NAA25: variants seen among roughly 807,000 people sequenced by gnomAD.
NAA25 encodes the protein N-terminal acetyltransferase B complex subunit NAA25.
Under a neutral mutation model 132.5 loss-of-function variants are expected in NAA25, and 30 were observed. The ratio of observed to expected loss-of-function variants is 0.23; its 90% CI spans 0.17 to 0.31. NAA25 has a LOEUF of 0.31. Ranked by LOEUF, NAA25 falls within the 10% of genes least tolerant of loss-of-function variation. NAA25 has a pLI of 1.00. For synonymous variants in NAA25, 359 were observed against 401.9 expected, an observed-to-expected ratio of 0.89 and a Z score of 1.28; for missense variants, 771 against 1,150.4, an observed-to-expected ratio of 0.67 and a Z score of 4.77.
chr12:112,063,909 T>C (rs1238750278), intron 11 of NAA25: 1 of 152,192 alleles, frequency 6.6e-6, no homozygotes, highest in Non-Finnish European at 1.5e-5. Flanking sequence ...AGTACATGTA[T>C]TTCTTCTTCC....
At chr12:112,061,063 G>C in intron 12 of NAA25, 118 bp downstream of exon 12, 1 of 754,308 alleles carries the variant, frequency 1.3e-6, no homozygotes, top group Non-Finnish European at 2.2e-6. Context: ...GGTCTTCCCA[G>C]ACAAAATAGT....
At chr12:112,070,958 G>C (rs1298208084) in intron 10 of NAA25, among the ~76,000 whole-genome samples, 4 of 152,240 alleles carry the variant, frequency 2.6e-5, no homozygotes, top group Non-Finnish European at 1.5e-5. Context: ...TGTTGGCCAG[G>C]CTGGTCTTGA....
rs555526575 is a variant in NAA25 at position 112,038,489 on chromosome 12, T to C, written c.2649+740A>G. Among the ~76,000 whole-genome samples the C allele has an allele frequency of 2.0e-5, 3 of 152,242 alleles. No homozygotes were observed. In the South Asian group the frequency reaches 6.2e-4, roughly 32 times the overall value. On this transcript the variant is annotated intron_variant, in intron 22 of 23. Coordinates refer to ENST00000261745, the MANE Select transcript of NAA25 (RefSeq NM_024953.4). ...TTCAACAAATGAGAGATAAAACAAATGAGATAAATGGTTAAAAATTGATAA... is the reference window on the plus strand; with the variant it reads ...TTCAACAAATGAGAGATAAAACAAACGAGATAAATGGTTAAAAATTGATAA...
intron 11 of NAA25, among the ~76,000 whole-genome samples, chr12:112,063,079 A>G (rs996062245): frequency 1.3e-5 from 2 of 152,088 alleles, no homozygotes; most frequent in Non-Finnish European, 2.9e-5. Context: ...GAAGAAAAGA[A>G]TAATACATGA....
chr12:112,039,390 T>G, intron 21 of NAA25, 51 bp from the exon 22 acceptor site: 10 of 1,094,258 alleles, frequency 9.1e-6, no homozygotes, highest in South Asian at 1.4e-5. Context: ...TAAAAATATC[T>G]ATCAGGAAAT....
intron 2 of NAA25, 77 bp from the exon 3 acceptor site, chr12:112,090,941 G>A (rs2079119215): frequency 7.1e-7 from 1 of 1,407,830 alleles, no homozygotes; most frequent in African/African-American, 1.4e-5. Flanking sequence ...CGATCTGAAA[G>A]AACAAGTATT....
intron 3 of NAA25, among the ~76,000 whole-genome samples, chr12:112,088,689 C>T (rs1437056579): frequency 6.0e-5 from 9 of 150,576 alleles, no homozygotes; most frequent in African/African-American, 1.7e-4. Flanking sequence ...GGTGCGATCT[C>T]GGCTCACTGA....
intron 15 of NAA25, among the ~76,000 whole-genome samples, chr12:112,050,746 C>CTT (rs1005802563): frequency 6.6e-6 from 1 of 152,044 alleles, no homozygotes; most frequent in African/African-American, 2.4e-5. Context: ...ACGTAAGTGA[C>CTT]TTTTAAAGAT....
At chr12:112,106,762 T>C (rs573571264) in intron 1 of NAA25, among the ~76,000 whole-genome samples, 24 of 151,212 alleles carry the variant, frequency 1.6e-4, no homozygotes, top group Non-Finnish European at 3.2e-4. Context: ...TAGACTAGAC[T>C]GGGCAACATG....
chr12:112,092,604 CA>C (rs1210140640), intron 2 of NAA25, among the ~76,000 whole-genome samples: 1 of 152,012 alleles, frequency 6.6e-6, no homozygotes, highest in Non-Finnish European at 1.5e-5. Context: ...CCAGCCTGGG[CA>C]ACAAGAGTGA....
intron 21 of NAA25, 60 bp from the exon 22 acceptor site, chr12:112,039,399 A>G: frequency 1.0e-6 from 1 of 963,772 alleles, no homozygotes. Flanking sequence ...CTATCAGGAA[A>G]TTAGAGGCAA....
At chr12:112,079,435 T>A (rs919256841) in intron 5 of NAA25, among the ~76,000 whole-genome samples, 1 of 151,948 alleles carries the variant, frequency 6.6e-6, no homozygotes, top group Non-Finnish European at 1.5e-5. Context: ...AAAAATAATT[T>A]AAAAAATTAG....
chr12:112,063,381 T>C (rs1404492157), intron 11 of NAA25, among the ~76,000 whole-genome samples: 2 of 152,056 alleles, frequency 1.3e-5, no homozygotes, highest in Non-Finnish European at 2.9e-5. Flanking sequence ...TAAGTGTGAG[T>C]AGAACAGCCT....
chr12:112,101,378 A>G (rs1357587244), intron 1 of NAA25, among the ~76,000 whole-genome samples: 1 of 152,174 alleles, frequency 6.6e-6, no homozygotes, highest in African/African-American at 2.4e-5. Flanking sequence ...GGCCCTCAAT[A>G]AATGTTGAAT....
intron 11 of NAA25, among the ~76,000 whole-genome samples, chr12:112,062,337 G>T (rs2078643760): frequency 6.6e-6 from 1 of 151,182 alleles, no homozygotes; most frequent in Non-Finnish European, 1.5e-5. Flanking sequence ...GGAGGCAGAG[G>T]TTGCTGTGAG....
chr12:112,035,681 CTTTT>C (rs11356583), intron 22 of NAA25, among the ~76,000 whole-genome samples: 6 of 138,232 alleles, frequency 4.3e-5, no homozygotes, highest in African/African-American at 2.7e-5. Flanking sequence ...CATCAACTTT[CTTTT>C]TTTTTTTTTT....
chr12:112,095,648 C>G (rs1593835239), intron 1 of NAA25, among the ~76,000 whole-genome samples: 1 of 145,714 alleles, frequency 6.9e-6, no homozygotes, highest in Non-Finnish European at 1.5e-5. Context: ...AATGAACTAT[C>G]AAGCACAAAA....
At chr12:112,058,991 G>C (rs957056990) in intron 13 of NAA25, among the ~76,000 whole-genome samples, 1 of 147,474 alleles carries the variant, frequency 6.8e-6, no homozygotes, top group African/African-American at 2.5e-5. Flanking sequence ...GGAGAATGGC[G>C]TGAACCTGGG....
chr12:112,050,671 A>C (rs1412437243), intron 15 of NAA25, among the ~76,000 whole-genome samples: 3 of 152,146 alleles, frequency 2.0e-5, no homozygotes, highest in Admixed American at 2.0e-4. Flanking sequence ...GGCGCTCGCC[A>C]ACACACCCAG....
Sources: gnomAD v4.1 joint callset for allele counts (sites outside exome capture counted in the v4.1 genomes callset) on GRCh38, gnomAD v4.1.1 for gene constraint, MANE v1.5 for transcripts, NCBI Gene and HGNC (gene_info 2026-07-23, HGNC 2026-07-21) for gene names.